Variants in LUZP2 observed in about 807,000 individuals in gnomAD.
LUZP2 encodes the protein leucine zipper protein 2.
A neutral mutation model predicts 51.6 loss-of-function variants in LUZP2; 52 were observed. The ratio of observed to expected loss-of-function variants is 1.01; its 90% CI spans 0.81 to 1.27. The LOEUF is 1.27. Ranked by LOEUF, LUZP2 falls within the 50% of genes most tolerant of loss-of-function variation. The pLI is 0.00. For synonymous variants in LUZP2, 154 were observed against 137.3 expected (o/e 1.12, Z -0.85); for missense variants, 436 against 395.4 (o/e 1.10, Z -0.87).
At chr11:24,657,942 A>AAAGAG (rs1855867894) in intron 1 of LUZP2, among the ~76,000 whole-genome samples, 2 of 152,210 alleles carry the variant, frequency 1.3e-5, no homozygotes, top group African/African-American at 4.8e-5. Flanking sequence ...AACAAATGGA[A>AAAGAG]GACCATTCCA....
At chr11:24,628,032 T>C (rs1362996347) in intron 1 of LUZP2, among the ~76,000 whole-genome samples, 1 of 152,210 alleles carries the variant, frequency 6.6e-6, no homozygotes, top group African/African-American at 2.4e-5. Flanking sequence ...GGCTCCATGT[T>C]GAGCTGGTGA....
intron 6 of LUZP2, among the ~76,000 whole-genome samples, chr11:24,912,026 G>T (rs1056848778): frequency 6.6e-6 from 1 of 152,072 alleles, no homozygotes; most frequent in African/African-American, 2.4e-5. Context: ...AATTCTTGCT[G>T]CTGCTTTGTA....
At chr11:24,793,655 T>G (rs1849466618) in intron 5 of LUZP2, among the ~76,000 whole-genome samples, 1 of 152,132 alleles carries the variant, frequency 6.6e-6, no homozygotes, top group South Asian at 2.1e-4. Flanking sequence ...GGCTTGTTAG[T>G]CATGAGGGAA....
intron 1 of LUZP2, among the ~76,000 whole-genome samples, chr11:24,632,560 C>T (rs907776032): frequency 6.6e-6 from 1 of 151,936 alleles, no homozygotes; most frequent in Non-Finnish European, 1.5e-5. Context: ...GTGGCAACCA[C>T]AGAATTTTTC....
chr11:24,682,606 ATGTG>A (rs1309613674), intron 1 of LUZP2, among the ~76,000 whole-genome samples: 16 of 143,912 alleles, frequency 1.1e-4, no homozygotes, highest in East Asian at 4.2e-4. Flanking sequence ...GTGTATATAT[ATGTG>A]TATGTGTATA....
At chr11:25,050,724 G>T (rs940073877) in intron 10 of LUZP2, among the ~76,000 whole-genome samples, 4 of 152,028 alleles carry the variant, frequency 2.6e-5, no homozygotes, top group African/African-American at 9.6e-5. Flanking sequence ...GCTAAGCAAG[G>T]TGCTCATTCC....
chr11:24,835,401 A>G (rs12099258), intron 5 of LUZP2, among the ~76,000 whole-genome samples: 1,756 of 152,304 alleles, frequency 0.012, 40 homozygotes, highest in African/African-American at 0.04. Context: ...AGGCATGGGC[A>G]AAGACTTCAT....
intron 1 of LUZP2, among the ~76,000 whole-genome samples, chr11:24,538,249 C>G (rs1270928767): frequency 1.3e-5 from 2 of 151,646 alleles, no homozygotes; most frequent in Non-Finnish European, 2.9e-5. Context: ...TAATGAACTA[C>G]TAGATATACA....
intron 6 of LUZP2, among the ~76,000 whole-genome samples, chr11:24,907,851 A>G (rs932830955): frequency 6.6e-6 from 1 of 152,132 alleles, no homozygotes; most frequent in African/African-American, 2.4e-5. Context: ...ATTATCCCTG[A>G]ATTGTTAGAT....
At chr11:24,728,064 T>C (rs982876323) in intron 1 of LUZP2, among the ~76,000 whole-genome samples, 2 of 152,154 alleles carry the variant, frequency 1.3e-5, no homozygotes, top group East Asian at 3.9e-4. Context: ...ATTTAACACA[T>C]GAAAATGTGG....
chr11:25,026,126 A>G (rs867456628), intron 9 of LUZP2, among the ~76,000 whole-genome samples: 49 of 131,194 alleles, frequency 3.7e-4, no homozygotes, highest in Non-Finnish European at 5.7e-4. Flanking sequence ...GGAACATGAC[A>G]CACTGGAGCC....
At chr11:24,973,432 C>T (rs910126637) in intron 7 of LUZP2, among the ~76,000 whole-genome samples, 1 of 126,782 alleles carries the variant, frequency 7.9e-6, no homozygotes, top group Non-Finnish European at 1.7e-5. Flanking sequence ...TTTTGTGTCT[C>T]TAGCTCCTTC....
intron 1 of LUZP2, among the ~76,000 whole-genome samples, chr11:24,653,957 G>C (rs1045342169): frequency 4.6e-5 from 7 of 152,186 alleles, no homozygotes; most frequent in Non-Finnish European, 7.4e-5. Context: ...AAGTCTAAAA[G>C]AGTAGGAAAA....
chr11:24,609,476 A>C (rs527276656), intron 1 of LUZP2, among the ~76,000 whole-genome samples: 1 of 152,230 alleles, frequency 6.6e-6, no homozygotes. Flanking sequence ...CTGTAATCCC[A>C]GCAGTTTGGG....
chr11:24,543,509 C>CT (rs1284121637), intron 1 of LUZP2, among the ~76,000 whole-genome samples: 2 of 152,012 alleles, frequency 1.3e-5, no homozygotes, highest in Non-Finnish European at 2.9e-5. Context: ...GAAATATGGC[C>CT]TTGAGACATA....
In LUZP2 at chr11:24,774,211, C is replaced by T. The variant is rs554564803; in HGVS notation, c.396+10903C>T. 2.8e-4 allele frequency among the ~76,000 whole-genome samples: 42 copies of T among 151,590 alleles called. No homozygotes were observed. The South Asian group carries it at 6.5e-3, about 23-fold the overall frequency. ...TCCTGTGCTGGATGCTTCCTGCGCT[C>T]GAACATTAGACTTCAAATTCTTCAG... On this transcript the variant is annotated intron_variant, in intron 5 of 11. Transcript: ENST00000336930.
At chr11:24,937,047 A>AC (rs1854605570) in intron 7 of LUZP2, among the ~76,000 whole-genome samples, 1 of 149,608 alleles carries the variant, frequency 6.7e-6, no homozygotes, top group Admixed American at 6.7e-5. Flanking sequence ...TGCAATGAGA[A>AC]ACACACACAC....
intron 10 of LUZP2, among the ~76,000 whole-genome samples, chr11:25,052,026 G>T (rs114232833): frequency 6.6e-6 from 1 of 152,062 alleles, no homozygotes; most frequent in East Asian, 1.9e-4. Flanking sequence ...TCTGGTCTCA[G>T]TCTGGACCTG....
intron 1 of LUZP2, among the ~76,000 whole-genome samples, chr11:24,602,417 T>C (rs867776305): frequency 4.6e-3 from 314 of 68,932 alleles, no homozygotes; most frequent in Middle Eastern, 0.025. Context: ...CACACACACA[T>C]ACATCCCTAT....
Sources: gnomAD v4.1 joint callset for allele counts (sites outside exome capture counted in the v4.1 genomes callset) on GRCh38, gnomAD v4.1.1 for gene constraint, MANE v1.5 for transcripts, NCBI Gene and HGNC (gene_info 2026-07-23, HGNC 2026-07-21) for gene names.